The following PLAC8L1 variants were observed in gnomAD, a reference collection of about 807,000 sequenced individuals.
PLAC8L1 encodes PLAC8-like protein 1.
PLAC8L1 carries 13 observed loss-of-function variants against 16.3 expected under a neutral mutation model. The ratio of observed to expected loss-of-function variants is 0.80; its 90% CI spans 0.52 to 1.27. The LOEUF (loss-of-function observed/expected upper bound fraction) is 1.27, where lower values mean the gene tolerates loss of function less well. Among genes scored for constraint, PLAC8L1 ranks in the 50% most tolerant of loss-of-function variants. PLAC8L1 has a pLI of 0.00. For synonymous variants in PLAC8L1, 78 were observed against 79.3 expected, an observed-to-expected ratio of 0.98 and a Z score of 0.09; for missense variants, 184 against 220.2, an observed-to-expected ratio of 0.84 and a Z score of 1.04.
chr5:146,090,984 G>T (rs1419054503), intron 2 of PLAC8L1, among the ~76,000 whole-genome samples: 1 of 151,914 alleles, frequency 6.6e-6, no homozygotes, highest in Non-Finnish European at 1.5e-5. Flanking sequence ...AACCCAGGAG[G>T]CCCAGGTTGC....
chr5:146,087,100 T>C (rs1350977911), intron 2 of PLAC8L1, among the ~76,000 whole-genome samples: 1 of 152,254 alleles, frequency 6.6e-6, no homozygotes, highest in East Asian at 1.9e-4. Flanking sequence ...GAGTTTTGCC[T>C]CTTCTTCAAC....
At chr5:146,098,069 C>T in intron 2 of PLAC8L1, 87 bp downstream of exon 2, 2 of 1,406,870 alleles carry the variant, frequency 1.4e-6, no homozygotes, top group Non-Finnish European at 1.9e-6. Flanking sequence ...TAATTTCTGT[C>T]CTTGTGCCTG....
At chr5:146,087,309 G>C (rs534882332) in intron 2 of PLAC8L1, among the ~76,000 whole-genome samples, 1 of 146,954 alleles carries the variant, frequency 6.8e-6, no homozygotes, top group Admixed American at 6.9e-5. Flanking sequence ...TTGCTATTAT[G>C]AATTTGACTG....
At chr5:146,085,841 A>G (rs1238964611) in intron 2 of PLAC8L1, among the ~76,000 whole-genome samples, 2 of 152,192 alleles carry the variant, frequency 1.3e-5, no homozygotes, top group Non-Finnish European at 2.9e-5. Context: ...TTCTGTTAGC[A>G]TTGACTATGG....
rs1309675857 is a variant in PLAC8L1 at position 146,084,417 on chromosome 5, G to C, written c.*15C>G. On this transcript the variant is annotated 3_prime_UTR_variant, in exon 4 of 4. Coordinates refer to ENST00000311450, the MANE Select transcript of PLAC8L1 (RefSeq NM_001029869.3). ...GGAGGGTGTTGGGGAGTAAGGAGGA[G>C]GAGTTATCTTGCTGTCAAACCAGGG... 1 of 1,613,218 alleles carries C rather than the reference G, an allele frequency of 6.2e-7. No homozygotes were observed. The highest frequency in any genetic ancestry group is 8.5e-7 in the Non-Finnish European group (1 of 1,179,464).
At chr5:146,097,331 G>A (rs1763733993) in intron 2 of PLAC8L1, among the ~76,000 whole-genome samples, 1 of 152,190 alleles carries the variant, frequency 6.6e-6, no homozygotes, top group East Asian at 1.9e-4. Context: ...TGTCTGAAAA[G>A]ATTTCAATCA....
intron 1 of PLAC8L1, 52 bp from the exon 2 acceptor site, chr5:146,098,344 A>G: frequency 6.3e-7 from 1 of 1,586,294 alleles, no homozygotes; most frequent in African/African-American, 1.3e-5. Flanking sequence ...TTTCAGAACA[A>G]TAACCATTAA....
chr5:146,102,435 G>A (rs1459752683), intron 1 of PLAC8L1, among the ~76,000 whole-genome samples: 2 of 152,172 alleles, frequency 1.3e-5, no homozygotes, highest in African/African-American at 2.4e-5. Flanking sequence ...AACAACCATA[G>A]CTAACTTTCA....
At chr5:146,088,746 A>G (rs1763563360) in intron 2 of PLAC8L1, among the ~76,000 whole-genome samples, 1 of 152,140 alleles carries the variant, frequency 6.6e-6, no homozygotes, top group South Asian at 2.1e-4. Context: ...TTCACCCTAC[A>G]TTTAAAAAGT....
rs200076438 is a variant in PLAC8L1, at chr5:146,098,252, G to C, written c.160C>G (p.Arg54Gly). The C allele has an allele frequency of 1.9e-6, 3 of 1,614,094 alleles. No individual in the cohort carries two copies. The highest frequency in any genetic ancestry group is 2.5e-6 in the Non-Finnish European group (3 of 1,179,994). ...PASAVVKQPV[R>G]GASGRTTITA... is the part of the protein sequence containing the mutation. ...ATTGTCGTCCTGCCACTGGCTCCCC[G>C]AACAGGCTGCTTCACCACAGCGCTG... is the stretch of plus-strand genomic sequence containing the variant. Residue 54 changes from arginine (R) to glycine (G), a missense_variant, in exon 2 of 4, where the codon CGG (arginine) becomes GGG (glycine). Physicochemically the swap from Arg to Gly is moderately radical, Grantham distance 125. Transcript: ENST00000311450.
rs1172519619 is a variant in PLAC8L1, at chr5:146,093,072, TAAC to T, written c.256+5081_256+5083del. ...TCTAGAAGGATAGATACCAAAATAT[TAAC>T]AATATTTATCTCCAAGAGCTGGGAT... On this transcript the variant is annotated intron_variant, in intron 2 of 3. Transcript: ENST00000311450. Among the ~76,000 whole-genome samples the T allele has an allele frequency of 2.6e-5, 4 of 152,004 alleles. No individual in the cohort carries two copies. The East Asian group carries it at 5.8e-4, about 22-fold the overall frequency.
chr5:146,085,353 G>T, intron 3 of PLAC8L1, 108 bp downstream of exon 3: 1 of 1,271,954 alleles, frequency 7.9e-7, no homozygotes, highest in Non-Finnish European at 1.1e-6. Context: ...AGCATGGTAT[G>T]TTTCAACATC....
At chr5:146,102,215 C>A (rs12186642) in intron 1 of PLAC8L1, among the ~76,000 whole-genome samples, 33,815 of 151,780 alleles carry the variant, frequency 0.22, 4,814 homozygotes, top group Admixed American at 0.34. Flanking sequence ...GCCACCATGC[C>A]CAGCTAATTT....
intron 2 of PLAC8L1, among the ~76,000 whole-genome samples, chr5:146,093,643 G>C (rs1465133227): frequency 6.6e-6 from 1 of 152,178 alleles, no homozygotes; most frequent in Non-Finnish European, 1.5e-5. Flanking sequence ...TGCCTCCTAT[G>C]GTCTAAATGC....
chr5:146,102,268 A>C (rs1051280839), intron 1 of PLAC8L1, among the ~76,000 whole-genome samples: 2 of 152,020 alleles, frequency 1.3e-5, no homozygotes, highest in African/African-American at 2.4e-5. Context: ...TTTATTGCCT[A>C]GGCTGTTTGT....
chr5:146,086,452 A>G (rs1763519802), intron 2 of PLAC8L1, among the ~76,000 whole-genome samples: 1 of 152,162 alleles, frequency 6.6e-6, no homozygotes, highest in African/African-American at 2.4e-5. Context: ...GCCAGTTTTA[A>G]TCTGCAGATT....
chr5:146,100,114 A>T (rs1028684092), intron 1 of PLAC8L1, among the ~76,000 whole-genome samples: 79 of 152,336 alleles, frequency 5.2e-4, no homozygotes, highest in African/African-American at 1.9e-3. Context: ...GACACTAATG[A>T]TGGTGACTGC....
chr5:146,100,112 T>A (rs939048216), intron 1 of PLAC8L1, among the ~76,000 whole-genome samples: 1 of 152,164 alleles, frequency 6.6e-6, no homozygotes, highest in Non-Finnish European at 1.5e-5. Context: ...TGGACACTAA[T>A]GATGGTGACT....
intron 2 of PLAC8L1, among the ~76,000 whole-genome samples, chr5:146,095,622 T>C (rs957529585): frequency 2.6e-5 from 4 of 152,226 alleles, no homozygotes; most frequent in African/African-American, 7.2e-5. Context: ...ACTAAGTGCA[T>C]TGTAATGATA....
Sources: gnomAD v4.1 joint callset for allele counts (sites outside exome capture counted in the v4.1 genomes callset) on GRCh38, gnomAD v4.1.1 for gene constraint, MANE v1.5 for transcripts, NCBI Gene and HGNC (gene_info 2026-07-23, HGNC 2026-07-21) for gene names.